VPS13B: variants seen among roughly 807,000 people sequenced by gnomAD.
VPS13B encodes the protein vacuolar protein sorting 13 homolog B.
VPS13B carries 285 observed loss-of-function variants against 426.4 expected under a neutral mutation model. The observed-to-expected ratio is 0.67, with a 90% CI of 0.61 to 0.74. The LOEUF (loss-of-function observed/expected upper bound fraction) is 0.74, where lower values mean the gene tolerates loss of function less well. Ranked by LOEUF, VPS13B falls within the 30% of genes least tolerant of loss-of-function variation. The probability of loss-of-function intolerance (pLI) is 0.00; values close to 1 mark genes in which losing one functional copy is unlikely to be tolerated. For synonymous variants in VPS13B, 1,676 were observed against 1,676.4 expected, an observed-to-expected ratio of 1.00 and a Z score of 0.01; for missense variants, 4,537 against 4,782.6, an observed-to-expected ratio of 0.95 and a Z score of 1.51.
chr8:99,162,998 G>C (rs1266673551), intron 15 of VPS13B, among the ~76,000 whole-genome samples: 4 of 152,116 alleles, frequency 2.6e-5, no homozygotes, highest in Non-Finnish European at 4.4e-5. Context: ...GTTAGATACA[G>C]AGTTTGGACA....
chr8:99,793,836 T>C (rs781185062), intron 43 of VPS13B, among the ~76,000 whole-genome samples: 2 of 152,232 alleles, frequency 1.3e-5, no homozygotes, highest in Non-Finnish European at 2.9e-5. Context: ...GTTTCACTCC[T>C]AAGGTTTGAT....
chr8:99,522,948 C>G (rs572444983), intron 30 of VPS13B, among the ~76,000 whole-genome samples: 8 of 152,244 alleles, frequency 5.3e-5, no homozygotes, highest in African/African-American at 1.9e-4. Context: ...TAAATGTATA[C>G]ACAAAGCAAA....
intron 19 of VPS13B, among the ~76,000 whole-genome samples, chr8:99,328,397 C>A (rs1295774126): frequency 6.6e-6 from 1 of 152,106 alleles, no homozygotes; most frequent in East Asian, 1.9e-4. Context: ...GGAACTATTA[C>A]TTTTGTGTTT....
intron 30 of VPS13B, among the ~76,000 whole-genome samples, chr8:99,552,291 C>T (rs1278707968): frequency 6.6e-6 from 1 of 151,914 alleles, no homozygotes; most frequent in Non-Finnish European, 1.5e-5. Flanking sequence ...ATTGTTACTG[C>T]TGTTGTGTGA....
chr8:99,206,397 A>T (rs1214647497), intron 17 of VPS13B, among the ~76,000 whole-genome samples: 1 of 152,226 alleles, frequency 6.6e-6, no homozygotes, highest in Non-Finnish European at 1.5e-5. Context: ...TTAATGGTTG[A>T]ATAATAAATT....
rs746463050 is a variant in VPS13B at position 99,102,963 on chromosome 8, G to C, written c.423G>C (p.Gln141His). 1.2e-6 allele frequency: 2 copies of C among 1,605,486 alleles called. No individual in the cohort carries two copies. The highest frequency in any genetic ancestry group is 1.7e-6 in the Non-Finnish European group (2 of 1,172,732). ...TDPDLPPGYVQSLIRRVVNNV... is the reference protein window; with the variant it reads ...TDPDLPPGYVHSLIRRVVNNV... ...TTTTCTATTTTATAGGTTATGTGCA[G>C]AGTCTGATTAGACGAGTTGTAAATA... Residue 141 changes from glutamine (Q) to histidine (H), a missense_variant, in exon 5 of 62, where the codon CAG (glutamine) becomes CAC (histidine). Gln to His is a conservative substitution (Grantham distance 24). Transcript: ENST00000357162.
chr8:99,738,113 G>A (rs564513089), intron 39 of VPS13B, among the ~76,000 whole-genome samples: 69 of 152,264 alleles, frequency 4.5e-4, no homozygotes, highest in Non-Finnish European at 8.7e-4. Flanking sequence ...TCATTTTATT[G>A]CAGTGATCTG....
At chr8:99,737,434 T>C (rs920400909) in intron 39 of VPS13B, among the ~76,000 whole-genome samples, 2 of 152,262 alleles carry the variant, frequency 1.3e-5, no homozygotes, top group East Asian at 3.9e-4. Flanking sequence ...TCTGTAGATG[T>C]GGTGATAGGG....
At chr8:99,702,256 T>C (rs1350083655) in intron 36 of VPS13B, among the ~76,000 whole-genome samples, 1 of 152,198 alleles carries the variant, frequency 6.6e-6, no homozygotes, top group Non-Finnish European at 1.5e-5. Context: ...AGTATATCTT[T>C]GAGCTCAATG....
chr8:99,432,359 A>C (rs546558626), intron 22 of VPS13B, among the ~76,000 whole-genome samples: 1 of 152,250 alleles, frequency 6.6e-6, no homozygotes, highest in East Asian at 1.9e-4. Context: ...TAAGATATAA[A>C]AGTTGCAATA....
At chr8:99,514,802 A>T (rs1821971066) in intron 29 of VPS13B, among the ~76,000 whole-genome samples, 1 of 152,130 alleles carries the variant, frequency 6.6e-6, no homozygotes, top group South Asian at 2.1e-4. Flanking sequence ...GTGTACACCT[A>T]AGAGTGGAAT....
At chr8:99,241,380 A>T (rs1173872621) in intron 17 of VPS13B, 1 of 152,198 alleles carries the variant, frequency 6.6e-6, no homozygotes, top group Non-Finnish European at 1.5e-5. Flanking sequence ...TATTATAATT[A>T]TGAATGATAT....
At chr8:99,484,423 A>G (rs1820193041) in intron 25 of VPS13B, among the ~76,000 whole-genome samples, 1 of 152,174 alleles carries the variant, frequency 6.6e-6, no homozygotes, top group Admixed American at 6.5e-5. Flanking sequence ...TCTTATTTAT[A>G]TAGTGTGGTC....
At chr8:99,744,364 T>G (rs1809950844) in intron 39 of VPS13B, among the ~76,000 whole-genome samples, 1 of 152,154 alleles carries the variant, frequency 6.6e-6, no homozygotes, top group Non-Finnish European at 1.5e-5. Flanking sequence ...ACTTTTACAC[T>G]GTTGGTGGGA....
chr8:99,642,416 T>C lies in VPS13B; in HGVS notation c.5826T>C (p.Ser1942=), dbSNP rs1277471455. The part of the protein sequence containing the change: ...FIVSQPSLLL[S]CHHRKQRVEV... ...TGTCCCAGCCTTCCTTGCTTCTGAG[T>C]TGTCACCACAGAAAGCAGCGAGTGG... The change falls in exon 34 of 62, where the codon AGT becomes AGC. Residue 1942 remains serine (S), a synonymous_variant. Transcript: ENST00000357162. 1 of 1,614,128 alleles carries C rather than the reference T, an allele frequency of 6.2e-7. No homozygotes were observed. Among genetic ancestry groups the C allele is most frequent in the Non-Finnish European group, 8.5e-7 (1 of 1,180,006 alleles).
At chr8:99,264,826 C>T in intron 17 of VPS13B, among the ~76,000 whole-genome samples, 1 of 151,660 alleles carries the variant, frequency 6.6e-6, no homozygotes, top group Non-Finnish European at 1.5e-5. Flanking sequence ...GATTATTTTC[C>T]CCATTTTCTT....
intron 61 of VPS13B, among the ~76,000 whole-genome samples, chr8:99,873,447 C>T (rs2130983264): frequency 6.6e-6 from 1 of 152,202 alleles, no homozygotes; most frequent in Admixed American, 6.5e-5. Context: ...CACTGCTGTC[C>T]AGGGCTGAAA....
intron 25 of VPS13B, among the ~76,000 whole-genome samples, chr8:99,493,255 G>A (rs1180160672): frequency 2.0e-5 from 3 of 152,002 alleles, no homozygotes; most frequent in South Asian, 2.1e-4. Context: ...TCTTATAATA[G>A]CCTTGTCATC....
intron 24 of VPS13B, among the ~76,000 whole-genome samples, chr8:99,471,433 A>G (rs1395807782): frequency 6.6e-6 from 1 of 152,156 alleles, no homozygotes; most frequent in African/African-American, 2.4e-5. Context: ...AAGTGGTACA[A>G]TATAAACTCT....
Sources: gnomAD v4.1 joint callset for allele counts (sites outside exome capture counted in the v4.1 genomes callset) on GRCh38, gnomAD v4.1.1 for gene constraint, MANE v1.5 for transcripts, NCBI Gene and HGNC (gene_info 2026-07-23, HGNC 2026-07-21) for gene names.